GPC6: variants seen among roughly 807,000 people sequenced by gnomAD.
GPC6 encodes glypican 6, also known as glypican-6.
In GPC6, 14 loss-of-function variants were observed where a neutral mutation model predicts 55.2. The observed-to-expected ratio is 0.25, with a 90% CI of 0.17 to 0.40. GPC6 has a LOEUF of 0.40. GPC6 is among the 10% of genes least tolerant of loss of function. The pLI is 1.00. For missense variants in GPC6, 641 were observed against 708.5 expected (o/e 0.90, Z 1.08); for synonymous variants, 278 against 259.6 (o/e 1.07, Z -0.68).
At chr13:93,526,417 G>A (rs192119658) in intron 1 of GPC6, among the ~76,000 whole-genome samples, 7 of 152,026 alleles carry the variant, frequency 4.6e-5, no homozygotes, top group Admixed American at 4.6e-4. Context: ...GCAAGGAATT[G>A]TGCAGGAGCC....
intron 4 of GPC6, among the ~76,000 whole-genome samples, chr13:94,090,383 A>G (rs1260636288): frequency 3.3e-5 from 5 of 152,156 alleles, no homozygotes; most frequent in Middle Eastern, 3.2e-3. Context: ...CCATATCATT[A>G]TCATTTCTAT....
At chr13:93,680,021 A>C (rs1881790419) in intron 2 of GPC6, among the ~76,000 whole-genome samples, 1 of 152,156 alleles carries the variant, frequency 6.6e-6, no homozygotes, top group Non-Finnish European at 1.5e-5. Flanking sequence ...GATATGGAGA[A>C]ATAGAAACAA....
At chr13:93,756,639 A>T (rs1884779861) in intron 2 of GPC6, among the ~76,000 whole-genome samples, 1 of 152,136 alleles carries the variant, frequency 6.6e-6, no homozygotes, top group Non-Finnish European at 1.5e-5. Flanking sequence ...TTTTACACAG[A>T]TGGGGTTAAT....
intron 4 of GPC6, among the ~76,000 whole-genome samples, chr13:94,052,988 G>A (rs1884006126): frequency 6.6e-6 from 1 of 152,084 alleles, no homozygotes; most frequent in Admixed American, 6.6e-5. Context: ...ATCCTAGGCA[G>A]CTGTCACATC....
chr13:94,310,539 G>A (rs1876192785), intron 6 of GPC6, among the ~76,000 whole-genome samples: 2 of 152,100 alleles, frequency 1.3e-5, no homozygotes, highest in Admixed American at 1.3e-4. Flanking sequence ...GCTTCCCAGA[G>A]GACTGTGTGG....
At position 94,382,568 on chromosome 13, in the gene GPC6, T is replaced by G; in HGVS notation, c.1289+18T>G. ...AAAGCCAGGTGAGGGTGACTCGATG[T>G]GTGCATGGATGGGGGCACAGCACAC... On this transcript the variant is annotated intron_variant, in intron 7 of 8. Transcript: ENST00000377047. The G allele has an allele frequency of 6.2e-7, 1 of 1,613,872 alleles. No homozygotes were observed. Among genetic ancestry groups the G allele is most frequent in the East Asian group, 2.2e-5 (1 of 44,878 alleles).
intron 1 of GPC6, among the ~76,000 whole-genome samples, chr13:93,433,115 A>G (rs1489845419): frequency 6.6e-6 from 1 of 152,174 alleles, no homozygotes; most frequent in Admixed American, 6.6e-5. Flanking sequence ...GAAGAAATCT[A>G]TGTGAGCTAT....
At chr13:94,149,411 A>G (rs1354598524) in intron 4 of GPC6, among the ~76,000 whole-genome samples, 4 of 152,162 alleles carry the variant, frequency 2.6e-5, no homozygotes, top group African/African-American at 9.7e-5. Context: ...ACTTGGGTCC[A>G]AAGCATTCTC....
intron 4 of GPC6, among the ~76,000 whole-genome samples, chr13:94,263,772 C>T (rs9301947): frequency 0.19 from 28,476 of 152,012 alleles, 2,947 homozygotes; most frequent in East Asian, 0.28. Flanking sequence ...AAGTATTGAA[C>T]CTGTCTAAGA....
chr13:93,355,428 A>G (rs1440665424), intron 1 of GPC6, among the ~76,000 whole-genome samples: 2 of 152,208 alleles, frequency 1.3e-5, no homozygotes, highest in Non-Finnish European at 2.9e-5. Context: ...TTTATGGAAA[A>G]GGCAGCATTT....
At chr13:94,268,029 G>T (rs181492922) in intron 4 of GPC6, among the ~76,000 whole-genome samples, 1 of 152,306 alleles carries the variant, frequency 6.6e-6, no homozygotes, top group African/African-American at 2.4e-5. Context: ...TTGCTAAACT[G>T]CAACTTCAAA....
intron 1 of GPC6, among the ~76,000 whole-genome samples, chr13:93,452,031 C>T (rs1427445743): frequency 6.6e-6 from 1 of 152,008 alleles, no homozygotes; most frequent in African/African-American, 2.4e-5. Context: ...CTTCAAGTTG[C>T]AGTATCATTA....
intron 2 of GPC6, among the ~76,000 whole-genome samples, chr13:93,725,990 T>G (rs1405107609): frequency 2.0e-5 from 3 of 151,998 alleles, no homozygotes; most frequent in Admixed American, 6.6e-5. Context: ...CCACTGAAAA[T>G]GTAGTGGCCC....
At chr13:93,622,386 C>T (rs1300284810) in intron 2 of GPC6, among the ~76,000 whole-genome samples, 1 of 152,036 alleles carries the variant, frequency 6.6e-6, no homozygotes, top group East Asian at 1.9e-4. Flanking sequence ...ATACATGCCA[C>T]ATTTTTTTCA....
At chr13:94,178,550 G>A (rs953488066) in intron 4 of GPC6, among the ~76,000 whole-genome samples, 2 of 152,172 alleles carry the variant, frequency 1.3e-5, no homozygotes, top group Non-Finnish European at 2.9e-5. Flanking sequence ...ATGGGACAGT[G>A]GGTTTTGTTT....
intron 2 of GPC6, among the ~76,000 whole-genome samples, chr13:93,745,028 A>C (rs1211189509): frequency 2.0e-5 from 3 of 151,868 alleles, no homozygotes; most frequent in Admixed American, 2.0e-4. Context: ...GCTCATTTCC[A>C]AAAGCCTTCC....
intron 1 of GPC6, among the ~76,000 whole-genome samples, chr13:93,310,085 A>G (rs1879012143): frequency 6.6e-6 from 1 of 152,194 alleles, no homozygotes. Context: ...TACTATGTGA[A>G]TACACATTTC....
chr13:93,305,762 C>T (rs1878835424), intron 1 of GPC6, among the ~76,000 whole-genome samples: 1 of 152,126 alleles, frequency 6.6e-6, no homozygotes, highest in Non-Finnish European at 1.5e-5. Flanking sequence ...GCATTTTGTA[C>T]AGAAAAGCGA....
chr13:94,152,624 T>TA (rs1482138567), intron 4 of GPC6, among the ~76,000 whole-genome samples: 22 of 151,894 alleles, frequency 1.4e-4, no homozygotes, highest in African/African-American at 3.9e-4. Context: ...AGTTAACACT[T>TA]ACGGCATATT....
Sources: allele counts gnomAD v4.1 joint callset (sites outside exome capture counted in the v4.1 genomes callset), GRCh38; gene constraint gnomAD v4.1.1; transcripts MANE v1.5; gene names NCBI Gene and HGNC (gene_info 2026-07-23, HGNC 2026-07-21).